The following VAV3 variants were observed in gnomAD, a reference collection of about 807,000 sequenced individuals.
VAV3 encodes the protein vav guanine nucleotide exchange factor 3, also known as guanine nucleotide exchange factor VAV3.
A neutral mutation model predicts 131.2 loss-of-function variants in VAV3; 94 were observed. The ratio of observed to expected loss-of-function variants is 0.72; its 90% CI spans 0.61 to 0.85. The LOEUF is 0.85. Among genes scored for constraint, VAV3 ranks in the 40% least tolerant of loss-of-function variants. VAV3 has a pLI of 0.00. For synonymous variants in VAV3, 349 were observed against 342.0 expected (o/e 1.02, Z -0.22); for missense variants, 939 against 1,002.7 (o/e 0.94, Z 0.86).
chr1:107,665,354 G>A (rs1657338003), intron 19 of VAV3, among the ~76,000 whole-genome samples: 1 of 152,094 alleles, frequency 6.6e-6, no homozygotes, highest in Non-Finnish European at 1.5e-5. Context: ...TTTAATCAAA[G>A]CTGGTTTGGT....
chr1:107,872,978 A>T (rs1670320384), intron 2 of VAV3, among the ~76,000 whole-genome samples: 1 of 152,156 alleles, frequency 6.6e-6, no homozygotes, highest in Non-Finnish European at 1.5e-5. Flanking sequence ...TATATCACAA[A>T]TTCTTTAACT....
In VAV3 at chr1:107,584,731, T is replaced by C. The variant is rs138305193; in HGVS notation, c.2351-10533A>G. Among the ~76,000 whole-genome samples the C allele has an allele frequency of 6.2e-4, 94 of 152,266 alleles. 1 individual carries two copies. Among genetic ancestry groups the C allele is most frequent in the Admixed American group, 6.0e-3 (91 of 15,282 alleles). On this transcript the variant is annotated intron_variant, in intron 25 of 26. Transcript: ENST00000370056. ...TTATGTCTAGGATTATTGTAAAAAA[T>C]AAACTACTACTTAGTATTCAATGCT...
chr1:107,815,510 G>A (rs1215413423), intron 2 of VAV3, among the ~76,000 whole-genome samples: 2 of 152,204 alleles, frequency 1.3e-5, no homozygotes, highest in East Asian at 1.9e-4. Context: ...TAAGGCCCTT[G>A]CAGAGATTCT....
At chr1:107,769,353 A>G (rs905329321) in intron 6 of VAV3, among the ~76,000 whole-genome samples, 3 of 152,184 alleles carry the variant, frequency 2.0e-5, no homozygotes, top group Non-Finnish European at 4.4e-5. Flanking sequence ...CGATCGTCTA[A>G]TTTTCAATAT....
chr1:107,595,221 T>C (rs1651277312), intron 25 of VAV3, among the ~76,000 whole-genome samples: 1 of 152,146 alleles, frequency 6.6e-6, no homozygotes, highest in Non-Finnish European at 1.5e-5. Context: ...GAGGAAAACA[T>C]ATATTAAGTT....
At chr1:107,660,496 A>G (rs75566953) in intron 19 of VAV3, among the ~76,000 whole-genome samples, 7,783 of 152,270 alleles carry the variant, frequency 0.051, 225 homozygotes, top group Middle Eastern at 0.088. Flanking sequence ...GCACCAGGCC[A>G]AGGCAGACCA....
chr1:107,900,713 GCTATC>G (rs1671811942), intron 1 of VAV3, among the ~76,000 whole-genome samples: 1 of 152,170 alleles, frequency 6.6e-6, no homozygotes, highest in Admixed American at 6.5e-5. Flanking sequence ...TTCTGAAATA[GCTATC>G]CTCACCAGGA....
At chr1:107,942,732 T>C (rs1160675433) in intron 1 of VAV3, among the ~76,000 whole-genome samples, 2 of 152,214 alleles carry the variant, frequency 1.3e-5, no homozygotes, top group African/African-American at 4.8e-5. Context: ...CTAGAATCCA[T>C]ACCAACCCCC....
intron 3 of VAV3, 98 bp from the exon 4 acceptor site, chr1:107,777,394 G>A: frequency 9.3e-7 from 1 of 1,079,094 alleles, no homozygotes; most frequent in Non-Finnish European, 1.4e-6. Context: ...TATGTAAGTT[G>A]TCTGCTGCCA....
In VAV3 at chr1:107,785,526, G is replaced by A; in HGVS notation, c.322-6034C>T. On this transcript the variant is annotated intron_variant, in intron 2 of 26. Coordinates refer to ENST00000370056, the MANE Select transcript of VAV3 (RefSeq NM_006113.5). ...GAGCCCCAAATGCAAGACGAGCTTG[G>A]GGGTTCAAGAAGGGGTCCACGGCAT... 3 of 1,290,062 alleles carry A rather than the reference G, an allele frequency of 2.3e-6. No individual in the cohort carries two copies. The South Asian group carries it at 4.0e-5, about 17-fold the overall frequency. The allele number at this position is 1,290,062 out of a possible 1,614,324, so 79.9% of individuals were successfully genotyped here. A position where few individuals can be genotyped will look rare whatever the true frequency, so the allele number is the denominator to read the frequency against.
intron 20 of VAV3, among the ~76,000 whole-genome samples, chr1:107,621,994 T>C (rs2101269626): frequency 6.6e-6 from 1 of 152,226 alleles, no homozygotes; most frequent in East Asian, 1.9e-4. Context: ...TACTATATGG[T>C]AAGAAAAAAA....
chr1:107,723,916 C>A (rs1661672228), intron 15 of VAV3, among the ~76,000 whole-genome samples: 3 of 152,194 alleles, frequency 2.0e-5, no homozygotes, highest in Non-Finnish European at 2.9e-5. Flanking sequence ...ATAGAGAACA[C>A]ATCGTAAATG....
chr1:107,578,366 C>G (rs1649797755), intron 25 of VAV3, among the ~76,000 whole-genome samples: 1 of 152,134 alleles, frequency 6.6e-6, no homozygotes, highest in Admixed American at 6.5e-5. Flanking sequence ...TTATAATCAG[C>G]CCAAATCATT....
At chr1:107,873,906 A>G (rs560857844) in intron 2 of VAV3, among the ~76,000 whole-genome samples, 32 of 152,258 alleles carry the variant, frequency 2.1e-4, no homozygotes, top group Middle Eastern at 3.4e-3. Flanking sequence ...TATGCGCTGT[A>G]TTTCAGCATC....
intron 15 of VAV3, among the ~76,000 whole-genome samples, chr1:107,718,951 T>C (rs1661307805): frequency 6.6e-6 from 1 of 152,182 alleles, no homozygotes; most frequent in Admixed American, 6.5e-5. Context: ...AAACAAGAAA[T>C]GGTGAAAGGA....
At chr1:107,880,945 A>G (rs1670743649) in intron 1 of VAV3, among the ~76,000 whole-genome samples, 1 of 152,214 alleles carries the variant, frequency 6.6e-6, no homozygotes, top group African/African-American at 2.4e-5. Context: ...CCTCACAACA[A>G]TCCAATCAGA....
intron 2 of VAV3, among the ~76,000 whole-genome samples, chr1:107,865,519 CAT>C (rs1337455652): frequency 3.9e-5 from 6 of 152,010 alleles, no homozygotes; most frequent in Non-Finnish European, 5.9e-5. Flanking sequence ...TCTGGTGAGT[CAT>C]GATGATTTAT....
chr1:107,595,491 T>TA (rs773971387), intron 25 of VAV3, among the ~76,000 whole-genome samples: 121 of 152,066 alleles, frequency 8.0e-4, no homozygotes, highest in East Asian at 4.0e-3. Context: ...AACACTTATT[T>TA]AAAAAAAATA....
intron 20 of VAV3, among the ~76,000 whole-genome samples, chr1:107,625,823 C>T (rs1314791438): frequency 6.6e-6 from 1 of 152,156 alleles, no homozygotes; most frequent in Non-Finnish European, 1.5e-5. Context: ...ACTGAAACCA[C>T]TTGCACCATC....
Sources: gnomAD v4.1 joint callset for allele counts (sites outside exome capture counted in the v4.1 genomes callset) on GRCh38, gnomAD v4.1.1 for gene constraint, MANE v1.5 for transcripts, NCBI Gene and HGNC (gene_info 2026-07-23, HGNC 2026-07-21) for gene names.